Variants in CDKN2B-AS1 observed in about 807,000 individuals in gnomAD.
CDKN2B-AS1 encodes CDKN2B antisense RNA 1 (non-protein coding).
intron 4 of CDKN2B-AS1, among the ~76,000 whole-genome samples, chr9:22,084,477 G>A (rs1824800992): frequency 6.6e-6 from 1 of 152,172 alleles, no homozygotes; most frequent in Non-Finnish European, 1.5e-5. Context: ...CCAGGGAGCA[G>A]AGTATTGGCC....
At position 22,005,260 on chromosome 9, in the gene CDKN2B-AS1, C is replaced by G. The variant is rs1450649839; in HGVS notation, n.29+10099C>G. 1 of 235,526 alleles carries G rather than the reference C, an allele frequency of 4.2e-6. No homozygotes were observed. Among genetic ancestry groups the G allele is most frequent in the Non-Finnish European group, 8.4e-6 (1 of 119,692 alleles). 14.6% of individuals were successfully genotyped at this position (235,526 alleles called of 1,614,324 possible). ...CTCCTCAGTGTAGTAAGAGCAAAGG[C>G]CAGCATCCTGTGCAAAGGTGCTCTG... On this transcript the variant is annotated intron_variant and non_coding_transcript_variant, in intron 1 of 4. Transcript: ENST00000650946. The surrounding 1 kb of genome is among the most constrained non-coding windows in gnomAD (Gnocchi z 4.9).
chr9:22,063,324 C>G (rs1823901786), intron 4 of CDKN2B-AS1, among the ~76,000 whole-genome samples: 1 of 152,118 alleles, frequency 6.6e-6, no homozygotes, highest in Non-Finnish European at 1.5e-5. Context: ...TGATTTTACT[C>G]TTACCTCTTG....
chr9:22,070,978 G>A (rs1332080591), intron 4 of CDKN2B-AS1, among the ~76,000 whole-genome samples: 4 of 152,070 alleles, frequency 2.6e-5, no homozygotes, highest in Admixed American at 2.6e-4. Flanking sequence ...GCAAGGTACA[G>A]GGACACAGTG....
At chr9:22,028,687 A>C (rs1822339476) in intron 1 of CDKN2B-AS1, among the ~76,000 whole-genome samples, 1 of 152,204 alleles carries the variant, frequency 6.6e-6, no homozygotes. Flanking sequence ...TGTAGTTTCA[A>C]AATAGTACCT....
Position 22,005,726 on chromosome 9 carries a change from T to C in CDKN2B-AS1, n.29+10565T>C, listed in dbSNP as rs988246496. ...TGAAAAGCAAACGACCCCTGGAATG[T>C]CACACACTCCTAAATATCCCTGGAA... On this transcript the variant is annotated intron_variant and non_coding_transcript_variant, in intron 1 of 4. Transcript: ENST00000650946. The surrounding 1 kb of genome is among the most constrained non-coding windows in gnomAD (Gnocchi z 4.9). 1.7e-6 allele frequency: 1 copy of C among 583,732 alleles called. No individual in the cohort carries two copies. The highest frequency in any genetic ancestry group is 2.0e-5 in the South Asian group (1 of 49,716). 36.2% of individuals were successfully genotyped at this position (583,732 alleles called of 1,614,324 possible).
At position 22,006,488 on chromosome 9, in the gene CDKN2B-AS1, A is replaced by G. The variant is rs1821195614; in HGVS notation, n.29+11327A>G. 6.6e-6 allele frequency among the ~76,000 whole-genome samples: 1 copy of G among 152,240 alleles called. No homozygotes were observed. The highest frequency in any genetic ancestry group is 1.5e-5 in the Non-Finnish European group (1 of 68,042). ...ATGCCATTTTATTCTCTAAACGTGCAGAGACAAGAAAGTTGATGGTAAAGT... is the reference window on the plus strand; with the variant it reads ...ATGCCATTTTATTCTCTAAACGTGCGGAGACAAGAAAGTTGATGGTAAAGT... On this transcript the variant is annotated intron_variant and non_coding_transcript_variant, in intron 1 of 4. Coordinates refer to ENST00000650946, the Ensembl canonical transcript of CDKN2B-AS1. This position sits in a 1 kb window ranked among gnomAD's most constrained non-coding sequence, Gnocchi z 6.4.
At chr9:22,016,298 G>A (rs1475958599) in intron 1 of CDKN2B-AS1, among the ~76,000 whole-genome samples, 1 of 152,130 alleles carries the variant, frequency 6.6e-6, no homozygotes, top group Non-Finnish European at 1.5e-5. Flanking sequence ...AAATAAAAGA[G>A]GATACAAACA....
intron 1 of CDKN2B-AS1, among the ~76,000 whole-genome samples, chr9:22,022,457 G>A (rs1338771612): frequency 6.6e-6 from 1 of 152,062 alleles, no homozygotes; most frequent in Non-Finnish European, 1.5e-5. Context: ...TGTTTTGTCA[G>A]AAACTAGGAT....
chr9:22,076,048 G>A (rs868534433), intron 4 of CDKN2B-AS1, among the ~76,000 whole-genome samples: 1 of 151,296 alleles, frequency 6.6e-6, no homozygotes, highest in African/African-American at 2.4e-5. Flanking sequence ...AGATTGGAGA[G>A]GTTTTATTTT....
At chr9:22,025,016 G>GTCTA (rs962154512) in intron 1 of CDKN2B-AS1, among the ~76,000 whole-genome samples, 37 of 152,204 alleles carry the variant, frequency 2.4e-4, no homozygotes, top group African/African-American at 8.9e-4. Context: ...TAGGGCCAAA[G>GTCTA]TCTATTATGG....
chr9:22,028,863 A>T lies in CDKN2B-AS1; in HGVS notation n.30-17888A>T, dbSNP rs1822348334. 2.6e-5 allele frequency among the ~76,000 whole-genome samples: 4 copies of T among 152,308 alleles called. No individual in the cohort carries two copies. In the South Asian group the frequency reaches 8.3e-4, roughly 32 times the overall value. On this transcript the variant is annotated intron_variant and non_coding_transcript_variant, in intron 1 of 4. Coordinates refer to ENST00000650946, the Ensembl canonical transcript of CDKN2B-AS1. Reference sequence around the variant, plus strand: ...TTCCTTGGCATGATACAAATAAATTACTAAAGTATAATTGTAACAATGATA... The same window carrying T: ...TTCCTTGGCATGATACAAATAAATTTCTAAAGTATAATTGTAACAATGATA...
rs189835862 is a variant in CDKN2B-AS1, at chr9:22,100,052, C to T, written n.439-27051C>T. Among the ~76,000 whole-genome samples the T allele has an allele frequency of 6.6e-5, 10 of 152,194 alleles. No homozygotes were observed. The East Asian group carries it at 1.9e-3, about 29-fold the overall frequency. On this transcript the variant is annotated intron_variant and non_coding_transcript_variant, in intron 4 of 4. Transcript: ENST00000650946. ...AAAGTAAGAGATATTTAGAAAGGAG[C>T]ATTGACACATTTGTTGACAGATTGG...
chr9:22,029,295 A>C, intron 1 of CDKN2B-AS1: 1 of 637,428 alleles, frequency 1.6e-6, no homozygotes, highest in Admixed American at 2.4e-5. Flanking sequence ...GAAAGCTATT[A>C]CCGTCTTTAT....
chr9:22,045,038 T>TTGTG (rs3028395), intron 1 of CDKN2B-AS1, among the ~76,000 whole-genome samples: 51,361 of 141,738 alleles, frequency 0.36, 9,824 homozygotes, highest in Middle Eastern at 0.55. Context: ...TATTATTTAT[T>TTGTG]TGTGTGTGTG....
At chr9:22,112,502 T>C (rs1196387736) in intron 4 of CDKN2B-AS1, 1 of 152,176 alleles carries the variant, frequency 6.6e-6, no homozygotes, top group Non-Finnish European at 1.5e-5. Context: ...CAATACACTA[T>C]TATGTGTGGC....
chr9:22,068,472 T>C (rs985040501), intron 4 of CDKN2B-AS1, among the ~76,000 whole-genome samples: 1 of 152,178 alleles, frequency 6.6e-6, no homozygotes, highest in African/African-American at 2.4e-5. Context: ...CGGAGAAGAA[T>C]GTCCCGGCAG....
Position 22,079,372 on chromosome 9 carries a change from C to T in CDKN2B-AS1, n.438+22985C>T, listed in dbSNP as rs138600147. The stretch of plus-strand genomic sequence containing the variant: ...GCGTGGTGGCACGTGCCTGTAGTTC[C>T]GGCTACTCGGGAGGCTGAGGCAGGA... On this transcript the variant is annotated intron_variant and non_coding_transcript_variant, in intron 4 of 4. Coordinates refer to ENST00000650946, the Ensembl canonical transcript of CDKN2B-AS1. Among the ~76,000 whole-genome samples, 358 of 152,078 alleles carry T rather than the reference C, an allele frequency of 2.4e-3. 4 individuals are homozygous for T. Among genetic ancestry groups the T allele is most frequent in the African/African-American group, 8.3e-3 (343 of 41,502 alleles).
chr9:22,115,529 G>A (rs1174962592), intron 4 of CDKN2B-AS1, among the ~76,000 whole-genome samples: 1 of 152,174 alleles, frequency 6.6e-6, no homozygotes, highest in Non-Finnish European at 1.5e-5. Flanking sequence ...TGGAAAGATA[G>A]ACACTTTAGC....
intron 1 of CDKN2B-AS1, among the ~76,000 whole-genome samples, chr9:22,015,846 T>A (rs1230098132): frequency 6.6e-6 from 1 of 152,156 alleles, no homozygotes; most frequent in Non-Finnish European, 1.5e-5. Context: ...TGATGGCCAG[T>A]GATGATGAGC....
Sources: gnomAD v4.1 joint callset for allele counts (sites outside exome capture counted in the v4.1 genomes callset) on GRCh38, gnomAD v4.1.1 for gene constraint, Gnocchi (gnomAD v3.1) non-coding constraint, MANE v1.5 for transcripts, NCBI Gene and HGNC (gene_info 2026-07-23, HGNC 2026-07-21) for gene names.